Variants in SUPT3H observed in about 807,000 individuals in gnomAD.
SUPT3H encodes the protein transcription initiation protein SPT3 homolog.
In SUPT3H, 44 loss-of-function variants were observed where a neutral mutation model predicts 44.3. The observed-to-expected ratio is 0.99, with a 90% CI of 0.78 to 1.28. The LOEUF is 1.28. SUPT3H is among the 50% of genes most tolerant of loss of function. SUPT3H has a pLI of 0.00. For missense variants in SUPT3H, 380 were observed against 387.1 expected, an observed-to-expected ratio of 0.98 and a Z score of 0.15; for synonymous variants, 124 against 125.6, an observed-to-expected ratio of 0.99 and a Z score of 0.09.
At chr6:45,260,306 C>T (rs564222254) in intron 2 of SUPT3H, among the ~76,000 whole-genome samples, 1 of 152,076 alleles carries the variant, frequency 6.6e-6, no homozygotes, top group African/African-American at 2.4e-5. Context: ...AAATTGACAG[C>T]CTGCCCATTT....
At chr6:45,088,112 C>T (rs1292513634) in intron 3 of SUPT3H, among the ~76,000 whole-genome samples, 2 of 151,964 alleles carry the variant, frequency 1.3e-5, no homozygotes, top group Non-Finnish European at 2.9e-5. Context: ...GATCATTCTG[C>T]GTCTGCAGGT....
At chr6:44,901,270 C>A (rs1241709529) in intron 10 of SUPT3H, among the ~76,000 whole-genome samples, 1 of 152,042 alleles carries the variant, frequency 6.6e-6, no homozygotes, top group African/African-American at 2.4e-5. Flanking sequence ...AATTAAAAAC[C>A]TTGAAAAAAA....
chr6:45,081,926 A>G (rs1795870621), intron 3 of SUPT3H, among the ~76,000 whole-genome samples: 1 of 152,188 alleles, frequency 6.6e-6, no homozygotes, highest in South Asian at 2.1e-4. Flanking sequence ...AATGCAATGC[A>G]TTAGTTTTAT....
intron 3 of SUPT3H, among the ~76,000 whole-genome samples, chr6:45,096,076 C>T (rs963179042): frequency 2.0e-5 from 3 of 151,992 alleles, no homozygotes; most frequent in South Asian, 2.1e-4. Context: ...TATATATAAT[C>T]TTTATGATGC....
At chr6:45,061,385 G>C (rs1791996310) in intron 3 of SUPT3H, among the ~76,000 whole-genome samples, 1 of 152,110 alleles carries the variant, frequency 6.6e-6, no homozygotes, top group Non-Finnish European at 1.5e-5. Flanking sequence ...TTATAAGTGG[G>C]AGCCAAACGA....
chr6:45,347,459 A>G (rs2150167048), intron 2 of SUPT3H, among the ~76,000 whole-genome samples: 1 of 152,286 alleles, frequency 6.6e-6, no homozygotes. Context: ...TAATGAACCC[A>G]AAAGGAATAT....
At chr6:45,196,270 C>A (rs942984912) in intron 2 of SUPT3H, among the ~76,000 whole-genome samples, 1 of 152,026 alleles carries the variant, frequency 6.6e-6, no homozygotes, top group African/African-American at 2.4e-5. Flanking sequence ...CATAGCACCA[C>A]TGTTTGGTTG....
chr6:44,981,845 T>G (rs1582886020), intron 6 of SUPT3H, among the ~76,000 whole-genome samples: 3 of 138,040 alleles, frequency 2.2e-5, no homozygotes, highest in African/African-American at 5.5e-5. Context: ...CTTTGGGAGG[T>G]GAAACTCCAT....
intron 2 of SUPT3H, among the ~76,000 whole-genome samples, chr6:45,231,748 T>C (rs745940863): frequency 2.8e-4 from 43 of 152,332 alleles, no homozygotes; most frequent in Admixed American, 5.9e-4. Context: ...TTGATCACTA[T>C]GTGGTGTCCA....
intron 1 of SUPT3H, among the ~76,000 whole-genome samples, chr6:45,367,309 T>G: frequency 6.6e-6 from 1 of 152,126 alleles, no homozygotes; most frequent in East Asian, 1.9e-4. Flanking sequence ...AAAACCAAAA[T>G]TCTAAAACAT....
rs1017260197 is a variant in SUPT3H at position 45,008,853 on chromosome 6, C to T, written c.365-5061G>A. On this transcript the variant is annotated intron_variant, in intron 5 of 10. Coordinates refer to ENST00000371459, the MANE Select transcript of SUPT3H (RefSeq NM_003599.4). The stretch of plus-strand genomic sequence containing the variant: ...CCTCCTGTTTCAGGGTATTCTATTG[C>T]CTCAGCCTCCCAGGTAACTGGGATT... Among the ~76,000 whole-genome samples, 5 of 152,072 alleles carry T rather than the reference C, an allele frequency of 3.3e-5. No homozygotes were observed. In the South Asian group the frequency reaches 8.3e-4, roughly 25 times the overall value.
chr6:45,236,145 T>C (rs1769072044), intron 2 of SUPT3H, among the ~76,000 whole-genome samples: 1 of 150,218 alleles, frequency 6.7e-6, no homozygotes, highest in Non-Finnish European at 1.5e-5. Context: ...GAGTCCCGAT[T>C]TCCCACTCCA....
At chr6:45,019,740 A>G (rs1030894250) in intron 4 of SUPT3H, among the ~76,000 whole-genome samples, 18 of 152,114 alleles carry the variant, frequency 1.2e-4, no homozygotes, top group Non-Finnish European at 2.1e-4. Flanking sequence ...TTCACTTTAA[A>G]AAATCCTACA....
chr6:44,985,901 C>A (rs954054702), intron 6 of SUPT3H, among the ~76,000 whole-genome samples: 1 of 152,136 alleles, frequency 6.6e-6, no homozygotes, highest in Admixed American at 6.6e-5. Context: ...ATGTAAATAA[C>A]TGAGTGTCCT....
At chr6:45,124,280 A>G (rs1479191866) in intron 2 of SUPT3H, among the ~76,000 whole-genome samples, 1 of 151,988 alleles carries the variant, frequency 6.6e-6, no homozygotes, top group Non-Finnish European at 1.5e-5. Flanking sequence ...AAAAACACTA[A>G]TTTGTCAAAA....
At chr6:45,014,999 G>A (rs1784038148) in intron 4 of SUPT3H, 108 bp from the exon 5 acceptor site, 3 of 564,160 alleles carry the variant, frequency 5.3e-6, no homozygotes, top group Non-Finnish European at 8.3e-6. Context: ...CATGATATCA[G>A]AGAAAGTAAA....
chr6:45,028,070 C>T (rs891351995), intron 3 of SUPT3H, among the ~76,000 whole-genome samples: 1 of 152,102 alleles, frequency 6.6e-6, no homozygotes, highest in African/African-American at 2.4e-5. Context: ...ATGTTCTTGT[C>T]CTTTACATTT....
At chr6:45,128,026 A>G (rs920210144) in intron 2 of SUPT3H, among the ~76,000 whole-genome samples, 30 of 152,226 alleles carry the variant, frequency 2.0e-4, no homozygotes, top group African/African-American at 6.5e-4. Flanking sequence ...GACTTTTATC[A>G]TTATACCCCT....
chr6:45,248,913 C>CAAAA (rs61451412), intron 2 of SUPT3H, among the ~76,000 whole-genome samples: 1 of 115,314 alleles, frequency 8.7e-6, no homozygotes. Flanking sequence ...GACTCCATCT[C>CAAAA]AAAAAAAAAA....
Sources: gnomAD v4.1 joint callset for allele counts (sites outside exome capture counted in the v4.1 genomes callset) on GRCh38, gnomAD v4.1.1 for gene constraint, MANE v1.5 for transcripts, NCBI Gene and HGNC (gene_info 2026-07-23, HGNC 2026-07-21) for gene names.